PACSIN2: variants seen among roughly 807,000 people sequenced by gnomAD.
PACSIN2 encodes protein kinase C and casein kinase substrate in neurons protein 2.
In PACSIN2, 25 loss-of-function variants were observed where a neutral mutation model predicts 63.8. That is an observed-to-expected ratio of 0.39 (90% CI 0.29 to 0.55). The LOEUF is 0.55. PACSIN2 is among the 20% of genes least tolerant of loss of function. The pLI, the probability that PACSIN2 is intolerant of heterozygous loss-of-function variation, is 0.62. For synonymous variants in PACSIN2, 255 were observed against 256.2 expected (o/e 1.00, Z 0.05); for missense variants, 518 against 646.9 (o/e 0.80, Z 2.16).
intron 1 of PACSIN2, among the ~76,000 whole-genome samples, chr22:42,989,019 A>G (rs1189845684): frequency 6.6e-6 from 1 of 152,090 alleles, no homozygotes. Flanking sequence ...AGCTGGGACC[A>G]CAGGCACATA....
intron 1 of PACSIN2, among the ~76,000 whole-genome samples, chr22:42,984,933 T>C (rs1197933489): frequency 2.0e-5 from 3 of 152,196 alleles, no homozygotes; most frequent in Admixed American, 6.5e-5. Context: ...GTTTTTCTTA[T>C]TCTAAACTAA....
chr22:42,977,740 T>C (rs1021416958), intron 1 of PACSIN2, among the ~76,000 whole-genome samples: 1 of 152,100 alleles, frequency 6.6e-6, no homozygotes, highest in Non-Finnish European at 1.5e-5. Context: ...GTAAGTGTGT[T>C]CTCGGAGATC....
At chr22:42,974,316 C>T (rs989522364) in intron 1 of PACSIN2, among the ~76,000 whole-genome samples, 14 of 152,184 alleles carry the variant, frequency 9.2e-5, no homozygotes, top group Admixed American at 7.2e-4. Flanking sequence ...AGGTGCCATA[C>T]CCAGAGCATT....
At chr22:42,960,992 T>C (rs1934112268) in intron 1 of PACSIN2, among the ~76,000 whole-genome samples, 1 of 152,182 alleles carries the variant, frequency 6.6e-6, no homozygotes, top group African/African-American at 2.4e-5. Flanking sequence ...TCCTAGAAGA[T>C]ACACATGCAC....
chr22:42,970,212 A>C (rs1268157868), intron 1 of PACSIN2, among the ~76,000 whole-genome samples: 1 of 152,208 alleles, frequency 6.6e-6, no homozygotes, highest in Non-Finnish European at 1.5e-5. Flanking sequence ...AGAACGACTA[A>C]AGTAAACCCG....
intron 1 of PACSIN2, among the ~76,000 whole-genome samples, chr22:42,980,038 T>C (rs952427033): frequency 1.3e-5 from 2 of 152,030 alleles, no homozygotes; most frequent in African/African-American, 4.8e-5. Context: ...ATTAAAACTA[T>C]TAAAACAAGT....
At chr22:42,976,308 T>C (rs773182193) in intron 1 of PACSIN2, among the ~76,000 whole-genome samples, 4 of 152,146 alleles carry the variant, frequency 2.6e-5, no homozygotes, top group African/African-American at 9.7e-5. Flanking sequence ...CTGGTTCCTA[T>C]AGAGCAAGGC....
At chr22:42,888,170 G>A (rs1464304560) in intron 5 of PACSIN2, among the ~76,000 whole-genome samples, 1 of 152,088 alleles carries the variant, frequency 6.6e-6, no homozygotes, top group African/African-American at 2.4e-5. Context: ...CTGGTCAGCA[G>A]CATCCTAAGC....
intron 5 of PACSIN2, among the ~76,000 whole-genome samples, chr22:42,886,454 AT>A (rs1569221737): frequency 6.0e-5 from 4 of 66,454 alleles, no homozygotes; most frequent in Non-Finnish European, 1.9e-4. Context: ...GTAGGTAGGT[AT>A]GTATGTACCT....
intron 2 of PACSIN2, among the ~76,000 whole-genome samples, chr22:42,901,972 C>T (rs898133623): frequency 6.6e-6 from 1 of 152,250 alleles, no homozygotes; most frequent in African/African-American, 2.4e-5. Context: ...GCTGATGCCA[C>T]CAGCTGGCTG....
intron 1 of PACSIN2, among the ~76,000 whole-genome samples, chr22:43,007,209 A>AC (rs1252653875): frequency 1.6e-5 from 2 of 125,276 alleles, no homozygotes; most frequent in Non-Finnish European, 3.4e-5. Flanking sequence ...TCTCACACAC[A>AC]CCTCTTGTTC....
chr22:42,911,998 C>A (rs1411645668), intron 2 of PACSIN2, 23 bp downstream of exon 2: 1 of 1,581,896 alleles, frequency 6.3e-7, no homozygotes, highest in Admixed American at 1.8e-5. Flanking sequence ...ACTTCATTCA[C>A]TGGAAGAAAG....
At chr22:42,924,061 A>T (rs1932375297) in intron 1 of PACSIN2, among the ~76,000 whole-genome samples, 1 of 151,816 alleles carries the variant, frequency 6.6e-6, no homozygotes, top group African/African-American at 2.4e-5. Context: ...AAAAAAAAAA[A>T]ATCCTGGAGA....
intron 1 of PACSIN2, among the ~76,000 whole-genome samples, chr22:42,977,357 A>T (rs1291501089): frequency 6.6e-6 from 1 of 152,202 alleles, no homozygotes; most frequent in Admixed American, 6.5e-5. Context: ...TAGACGGAAA[A>T]ACGGAGAAAG....
chr22:42,876,866 G>C, intron 9 of PACSIN2, 22 bp downstream of exon 9: 1 of 1,614,018 alleles, frequency 6.2e-7, no homozygotes, highest in East Asian at 2.2e-5. Flanking sequence ...GGTGGGAGCA[G>C]AGGAAGCATT....
At chr22:43,005,730 T>A (rs1010880398) in intron 1 of PACSIN2, among the ~76,000 whole-genome samples, 2 of 152,222 alleles carry the variant, frequency 1.3e-5, no homozygotes, top group African/African-American at 4.8e-5. Flanking sequence ...ATGAGCACTG[T>A]GACCAGGCAC....
chr22:42,945,918 G>A (rs73886186), intron 1 of PACSIN2: 3,887 of 152,866 alleles, frequency 0.025, 165 homozygotes, highest in African/African-American at 0.09. Context: ...ACTTCCTCCC[G>A]AAGCCAGCAG....
Position 42,890,958 on chromosome 22 carries a change from T to C in PACSIN2, c.442A>G (p.Lys148Glu), listed in dbSNP as rs1242983114. 1 of 1,614,018 alleles carries C rather than the reference T, an allele frequency of 6.2e-7. No homozygotes were observed. Among genetic ancestry groups the C allele is most frequent in the Non-Finnish European group, 8.5e-7 (1 of 1,179,968 alleles). The change falls in exon 4 of 11, where the codon AAG becomes GAG. Residue 148 changes from lysine (K) to glutamate (E), a missense_variant. This residue lies in a region of PACSIN2 where 507 missense variants were observed against 612.3 expected (regional missense o/e 0.83). Coordinates refer to ENST00000263246, the MANE Select transcript of PACSIN2 (RefSeq NM_001184970.3). Reference sequence around the variant, plus strand: ...CAGGACAGATGTACCTCTTTCAGCTTCTTGGCCCAGGGCTTCTGTGCCTTC... The same window carrying C: ...CAGGACAGATGTACCTCTTTCAGCTCCTTGGCCCAGGGCTTCTGTGCCTTC... ...FRKAQKPWAK[K>E]LKEVEAAKKA...
At chr22:42,918,449 T>C (rs529370128) in intron 1 of PACSIN2, among the ~76,000 whole-genome samples, 1 of 152,314 alleles carries the variant, frequency 6.6e-6, no homozygotes, top group East Asian at 1.9e-4. Context: ...CACCAACAGA[T>C]GGGTGAGGTG....
Sources: gnomAD v4.1 joint callset for allele counts (sites outside exome capture counted in the v4.1 genomes callset) on GRCh38, gnomAD v4.1.1 for gene constraint, gnomAD v4.1.1 regional missense constraint, MANE v1.5 for transcripts, NCBI Gene and HGNC (gene_info 2026-07-23, HGNC 2026-07-21) for gene names.